Variants in CNN2 observed in about 807,000 individuals in gnomAD.
CNN2 encodes calponin 2, also known as calponin-2.
A neutral mutation model predicts 31.0 loss-of-function variants in CNN2; 21 were observed. The observed-to-expected ratio is 0.68, with a 90% CI of 0.48 to 0.98. The LOEUF is 0.98. CNN2 is among the 50% of genes least tolerant of loss of function. CNN2 has a pLI of 0.00. For synonymous variants in CNN2, 165 were observed against 179.6 expected, an observed-to-expected ratio of 0.92 and a Z score of 0.65; for missense variants, 399 against 427.3, an observed-to-expected ratio of 0.93 and a Z score of 0.58.
At chr19:1,036,841 T>C in intron 6 of CNN2, 2 of 516,538 alleles carry the variant, frequency 3.9e-6, no homozygotes, top group East Asian at 3.9e-5. Context: ...TTTTTTTTAA[T>C]CTTTATTTAT....
At chr19:1,032,084 C>T (rs1012782478) in intron 2 of CNN2, among the ~76,000 whole-genome samples, 5 of 151,076 alleles carry the variant, frequency 3.3e-5, no homozygotes, top group Admixed American at 2.0e-4. Context: ...AAAAATTAGC[C>T]GGGTGTGGTG....
chr19:1,035,180 C>T (rs1215740027), intron 4 of CNN2, among the ~76,000 whole-genome samples: 2 of 108,966 alleles, frequency 1.8e-5, no homozygotes, highest in Admixed American at 1.0e-4. Context: ...CTGGTGTAGA[C>T]GGGGAGCGTG....
At chr19:1,035,556 C>T (rs999587232) in intron 4 of CNN2, among the ~76,000 whole-genome samples, 3 of 152,150 alleles carry the variant, frequency 2.0e-5, no homozygotes, top group African/African-American at 7.2e-5. Context: ...AAAACCACGT[C>T]CCCATCCCCA....
chr19:1,028,139 C>T (rs2039428074), intron 1 of CNN2, among the ~76,000 whole-genome samples: 1 of 152,162 alleles, frequency 6.6e-6, no homozygotes, highest in East Asian at 1.9e-4. Flanking sequence ...GACGTCGTTC[C>T]AGCTGCCCAG....
At chr19:1,033,209 T>C (rs1237461869) in intron 4 of CNN2, among the ~76,000 whole-genome samples, 3 of 152,082 alleles carry the variant, frequency 2.0e-5, no homozygotes, top group Non-Finnish European at 2.9e-5. Flanking sequence ...GAACACAGCA[T>C]TGTATTATGC....
At position 1,038,246 on chromosome 19, in the gene CNN2, TG is replaced by T. The variant is rs2039638743; in HGVS notation, c.*347del. 3.9e-6 allele frequency: 1 copy of T among 258,562 alleles called. No homozygotes were observed. Among genetic ancestry groups the T allele is most frequent in the Admixed American group, 5.2e-5 (1 of 19,292 alleles). The allele number at this position is 258,562 out of a possible 1,614,324, so 16.0% of individuals were successfully genotyped here. ...TGCTTGCCTCGCCTCTTCCCCCTTT[TG>T]TCAGCTGAGCAGTTTGTGGTTTCTA... On this transcript the variant is annotated 3_prime_UTR_variant, in exon 7 of 7. Coordinates refer to ENST00000263097, the MANE Select transcript of CNN2 (RefSeq NM_004368.4).
In CNN2 at chr19:1,032,682, G is replaced by T. The variant is rs763180236; in HGVS notation, c.376G>T (p.Ala126Ser). The T allele has an allele frequency of 8.7e-6, 14 of 1,610,526 alleles. No homozygotes were observed. The highest frequency in any genetic ancestry group is 7.7e-5 in the South Asian group (7 of 90,872). ...NMTQVQVSLL[A>S]LAGKAKTKGL... ...GACGCAGGTGCAGGTGTCTCTTCTCGCCCTGGCGGGGAAGGTGAGGCCCAG... is the reference window on the plus strand; with the variant it reads ...GACGCAGGTGCAGGTGTCTCTTCTCTCCCTGGCGGGGAAGGTGAGGCCCAG... Residue 126 changes from alanine (A) to serine (S), a missense_variant, in exon 4 of 7, where the codon GCC becomes TCC. Physicochemically the swap from Ala to Ser is moderately conservative, Grantham distance 99 (BLOSUM62 1). Transcript: ENST00000263097.
chr19:1,028,346 C>G (rs1201206886), intron 1 of CNN2, among the ~76,000 whole-genome samples: 2 of 152,096 alleles, frequency 1.3e-5, no homozygotes, highest in Non-Finnish European at 1.5e-5. Flanking sequence ...CCGCGCAACC[C>G]TCAGTCTGTC....
At chr19:1,036,877 A>G in intron 6 of CNN2, 2 of 406,792 alleles carry the variant, frequency 4.9e-6, no homozygotes, top group Non-Finnish European at 4.6e-6. Flanking sequence ...ATTTTGAGAT[A>G]GGATCTCACT....
chr19:1,029,054 G>T (rs887308239), intron 1 of CNN2, among the ~76,000 whole-genome samples: 14 of 149,426 alleles, frequency 9.4e-5, no homozygotes, highest in Non-Finnish European at 1.6e-4. Flanking sequence ...TCCAGCTCAG[G>T]GGACCCTAAC....
At chr19:1,030,759 A>AGGGCGGGGAGGCAGATCC (rs1281440285) in intron 1 of CNN2, among the ~76,000 whole-genome samples, 4 of 152,058 alleles carry the variant, frequency 2.6e-5, no homozygotes, top group African/African-American at 9.7e-5. Flanking sequence ...GTGAGAAGGC[A>AGGGCGGGGAGGCAGATCC]GGGCGGGGAG....
intron 1 of CNN2, among the ~76,000 whole-genome samples, chr19:1,027,661 G>T (rs565436971): frequency 6.6e-6 from 1 of 152,148 alleles, no homozygotes; most frequent in East Asian, 1.9e-4. Flanking sequence ...GTTGTGATGC[G>T]AGACCCACGG....
chr19:1,031,110 C>T lies in CNN2; in HGVS notation c.103C>T (p.Arg35Cys), dbSNP rs376323479. ...TGACCCCCAGAAGGAGGCAGAGCTC[C>T]GCACCTGGATCGAGGGACTCACCGG... ...KYDPQKEAEL[R>C]TWIEGLTGLS... Residue 35 changes from arginine to cysteine, a missense_variant, in exon 2 of 7, where the codon CGC (arginine) becomes TGC (cysteine). By Grantham distance (180) the Arg-to-Cys change is radical. Coordinates refer to ENST00000263097, the MANE Select transcript of CNN2 (RefSeq NM_004368.4). 1.4e-4 allele frequency: 226 copies of T among 1,613,330 alleles called. 1 individual carries two copies. The highest frequency in any genetic ancestry group is 1.8e-4 in the Non-Finnish European group (210 of 1,179,892).
In CNN2 at chr19:1,032,393, C is replaced by T; in HGVS notation, c.187C>T (p.Leu63Phe). ...GLKDGTILCT[L>F]MNKLQPGSVP... The stretch of plus-strand genomic sequence containing the variant: ...CCCGCCCCATGTTGTGCCCTCCAGA[C>T]TCATGAACAAGCTACAGCCGGGCTC... The change falls in exon 3 of 7, where the codon CTC becomes TTC. Residue 63 changes from leucine (L) to phenylalanine (F), a missense_variant and splice_region_variant. Leu to Phe is a conservative substitution (Grantham distance 22). Transcript: ENST00000263097. The T allele has an allele frequency of 6.2e-7, 1 of 1,613,624 alleles. No individual in the cohort carries two copies. Among genetic ancestry groups the T allele is most frequent in the East Asian group, 2.2e-5 (1 of 44,880 alleles).
At chr19:1,036,605 C>T in intron 6 of CNN2, 43 bp downstream of exon 6, 1 of 1,613,010 alleles carries the variant, frequency 6.2e-7, no homozygotes, top group Non-Finnish European at 8.5e-7. Context: ...CCCTGCCCCT[C>T]TACACCCTGT....
At chr19:1,032,371 G>T in intron 2 of CNN2, 21 bp from the exon 3 acceptor site, 1 of 1,612,846 alleles carries the variant, frequency 6.2e-7, no homozygotes, top group South Asian at 1.1e-5. Context: ...TGTTTCCCCC[G>T]CCCCATGTTG....
At chr19:1,030,505 A>G (rs1365185930) in intron 1 of CNN2, among the ~76,000 whole-genome samples, 3 of 152,174 alleles carry the variant, frequency 2.0e-5, no homozygotes, top group Non-Finnish European at 2.9e-5. Context: ...GGGCGCCTGC[A>G]GTCCCAGCTA....
In CNN2 at chr19:1,031,123, A is replaced by C; in HGVS notation, c.116A>C (p.Glu39Ala). ...GAGGCAGAGCTCCGCACCTGGATCG[A>C]GGGACTCACCGGCCTCTCCATCGGC... ...QKEAELRTWI[E>A]GLTGLSIGPD... Residue 39 changes from glutamate to alanine, a missense_variant, in exon 2 of 7, where the codon GAG becomes GCG. Transcript: ENST00000263097. 2 of 1,613,322 alleles carry C rather than the reference A, an allele frequency of 1.2e-6. No individual in the cohort carries two copies. Among genetic ancestry groups the C allele is most frequent in the Non-Finnish European group, 1.7e-6 (2 of 1,179,896 alleles).
In CNN2 at chr19:1,030,810, G is replaced by T. The variant is rs1055205977; in HGVS notation, c.64-261G>T. 36 of 352,882 alleles carry T rather than the reference G, an allele frequency of 1.0e-4. No homozygotes were observed. In the South Asian group the frequency reaches 1.2e-3, roughly 12 times the overall value. 21.9% of individuals were successfully genotyped at this position (352,882 alleles called of 1,614,324 possible). On this transcript the variant is annotated intron_variant, in intron 1 of 6. Transcript: ENST00000263097. Reference sequence around the variant, plus strand: ...TTTGTCCTGCACCGGGAGTGGATTAGAGCTGATGTTTATCAGTGAGTTCTA... The same window carrying T: ...TTTGTCCTGCACCGGGAGTGGATTATAGCTGATGTTTATCAGTGAGTTCTA...
Sources: gnomAD v4.1 joint callset for allele counts (sites outside exome capture counted in the v4.1 genomes callset) on GRCh38, gnomAD v4.1.1 for gene constraint, MANE v1.5 for transcripts, NCBI Gene and HGNC (gene_info 2026-07-23, HGNC 2026-07-21) for gene names.